Variants in NDUFS1 observed in about 807,000 individuals in gnomAD.
The protein encoded by NDUFS1 is NADH:ubiquinone oxidoreductase core subunit S1.
A neutral mutation model predicts 84.4 loss-of-function variants in NDUFS1; 61 were observed. The ratio of observed to expected loss-of-function variants is 0.72; its 90% CI spans 0.59 to 0.89. The LOEUF is 0.89. Among genes scored for constraint, NDUFS1 ranks in the 40% least tolerant of loss-of-function variants. The probability of loss-of-function intolerance (pLI) is 0.00; values close to 1 mark genes in which losing one functional copy is unlikely to be tolerated. For synonymous variants in NDUFS1, 275 were observed against 290.0 expected (o/e 0.95, Z 0.53); for missense variants, 891 against 890.0 (o/e 1.00, Z -0.01).
In NDUFS1 at chr2:206,119,072, G is replaced by A. The variant is rs1014438707; in HGVS notation, c.*5113C>T. 6.6e-6 allele frequency: 1 copy of A among 152,212 alleles called. No homozygotes were observed. The highest frequency in any genetic ancestry group is 1.5e-5 in the Non-Finnish European group (1 of 68,074). The allele number at this position is 152,212 out of a possible 1,614,324, so 9.4% of individuals were successfully genotyped here. On this transcript the variant is annotated 3_prime_UTR_variant, in exon 19 of 19. Transcript: ENST00000233190. ...CACTGCACTCCAGACTGGCAATACA[G>A]TGAGACTCAATCTAAGATAAAACAA...
In NDUFS1 at chr2:206,149,979, C is replaced by T. The variant is rs189785817; in HGVS notation, c.154-54G>A. ...AAAAAGCATTAGAATAACCTGACTT[C>T]ACTGCTGTTATTGCTGAAACACACA... On this transcript the variant is annotated intron_variant, in intron 3 of 18. Coordinates refer to ENST00000233190, the MANE Select transcript of NDUFS1 (RefSeq NM_005006.7). 7.9e-5 allele frequency: 98 copies of T among 1,234,170 alleles called. No homozygotes were observed. The African/African-American group carries it at 1.3e-3, about 17-fold the overall frequency. The allele number at this position is 1,234,170 out of a possible 1,614,324, so 76.5% of individuals were successfully genotyped here.
rs1690932461 is a variant in NDUFS1 at position 206,115,940 on chromosome 2, A to G, written c.*8245T>C. On this transcript the variant is annotated 3_prime_UTR_variant, in exon 19 of 19. Transcript: ENST00000233190. ...AAGACACATATTATGTTTATCTACAATCATTAGAAAGTTAAAAGGCATCTT... is the reference window on the plus strand; with the variant it reads ...AAGACACATATTATGTTTATCTACAGTCATTAGAAAGTTAAAAGGCATCTT... 2 of 659,860 alleles carry G rather than the reference A, an allele frequency of 3.0e-6. No homozygotes were observed. The highest frequency in any genetic ancestry group is 2.4e-5 in the Admixed American group (1 of 41,880). The allele number at this position is 659,860 out of a possible 1,614,324, so 40.9% of individuals were successfully genotyped here.
intron 1 of NDUFS1, among the ~76,000 whole-genome samples, chr2:206,158,671 A>G (rs563498051): frequency 6.6e-6 from 1 of 152,356 alleles, no homozygotes; most frequent in African/African-American, 2.4e-5. Flanking sequence ...TTAACGTTAC[A>G]CTTCTATACC....
In NDUFS1 at chr2:206,130,356, ATT is replaced by A. The variant is rs537369972; in HGVS notation, c.1554-116_1554-115del. The A allele has an allele frequency of 2.1e-3, 2,784 of 1,350,194 alleles. 3 individuals carry two copies. The highest frequency in any genetic ancestry group is 1.7e-3 in the Non-Finnish European group (1,688 of 982,214). 83.6% of individuals were successfully genotyped at this position (1,350,194 alleles called of 1,614,324 possible). On this transcript the variant is annotated intron_variant, in intron 14 of 18. Coordinates refer to ENST00000233190, the MANE Select transcript of NDUFS1 (RefSeq NM_005006.7). Reference sequence around the variant, plus strand: ...AATGTCAAAAAACCCATTTTATTTTATTTTATTTTTTTCTCGGCGATAGAGTC... The same window carrying A: ...AATGTCAAAAAACCCATTTTATTTTATTATTTTTTTCTCGGCGATAGAGTC...
At chr2:206,155,375 A>G (rs1190650794) in intron 1 of NDUFS1, among the ~76,000 whole-genome samples, 2 of 151,918 alleles carry the variant, frequency 1.3e-5, no homozygotes, top group Non-Finnish European at 2.9e-5. Context: ...TCAGCCTCCC[A>G]AAGTGCTGGG....
intron 14 of NDUFS1, among the ~76,000 whole-genome samples, chr2:206,132,455 C>A (rs893160068): frequency 1.3e-5 from 2 of 152,060 alleles, no homozygotes; most frequent in African/African-American, 4.8e-5. Context: ...GTGGCATGCG[C>A]CTGTAGCTTC....
At chr2:206,138,279 C>T (rs1356851161) in intron 13 of NDUFS1, among the ~76,000 whole-genome samples, 1 of 152,188 alleles carries the variant, frequency 6.6e-6, no homozygotes, top group East Asian at 1.9e-4. Flanking sequence ...CAGGGTTTCA[C>T]CGTGTTGCCC....
In NDUFS1 at chr2:206,159,377, T is replaced by G; in HGVS notation, c.-41A>C. On this transcript the variant is annotated 5_prime_UTR_variant, in exon 1 of 19. Transcript: ENST00000233190. ...AGCCGCGGAGGCTGTTCTGCTAAACTGTCTGGACCACGACGACCCCCTAGG... is the reference window on the plus strand; with the variant it reads ...AGCCGCGGAGGCTGTTCTGCTAAACGGTCTGGACCACGACGACCCCCTAGG... The G allele has an allele frequency of 1.7e-6, 1 of 572,624 alleles. No individual in the cohort carries two copies. The highest frequency in any genetic ancestry group is 3.1e-6 in the Non-Finnish European group (1 of 320,952). 35.5% of individuals were successfully genotyped at this position (572,624 alleles called of 1,614,324 possible). A position where few individuals can be genotyped will look rare whatever the true frequency, so the allele number is the denominator to read the frequency against.
chr2:206,118,178 A>T lies in NDUFS1; in HGVS notation c.*6007T>A, dbSNP rs533633932. On this transcript the variant is annotated 3_prime_UTR_variant, in exon 19 of 19. Coordinates refer to ENST00000233190, the MANE Select transcript of NDUFS1 (RefSeq NM_005006.7). ...AAAACACAAAAAACACTTTAAGCAGAGGGTATTTGGTTTTGAGATCCTTGT... is the reference window on the plus strand; with the variant it reads ...AAAACACAAAAAACACTTTAAGCAGTGGGTATTTGGTTTTGAGATCCTTGT... The T allele has an allele frequency of 3.9e-5, 6 of 152,364 alleles. No individual in the cohort carries two copies. Among genetic ancestry groups the T allele is most frequent in the African/African-American group, 1.4e-4 (6 of 41,586 alleles). The allele number at this position is 152,364 out of a possible 1,614,324, so 9.4% of individuals were successfully genotyped here. A position where few individuals can be genotyped will look rare whatever the true frequency, so the allele number is the denominator to read the frequency against.
At chr2:206,126,408 T>C (rs1455091480) in intron 18 of NDUFS1, 131 bp downstream of exon 18, 6 of 883,574 alleles carry the variant, frequency 6.8e-6, no homozygotes, top group African/African-American at 1.7e-5. Flanking sequence ...TTAGTTCCAA[T>C]GTTTGAAAAC....
chr2:206,158,629 A>G (rs1687773332), intron 1 of NDUFS1, among the ~76,000 whole-genome samples: 1 of 152,312 alleles, frequency 6.6e-6, no homozygotes, highest in African/African-American at 2.4e-5. Context: ...ATTCCGCAAA[A>G]CAAAAATAAC....
At chr2:206,156,176 T>C (rs1237392842) in intron 1 of NDUFS1, among the ~76,000 whole-genome samples, 3 of 144,196 alleles carry the variant, frequency 2.1e-5, no homozygotes. Context: ...GGCAGGAGAA[T>C]GGCGTGAACC....
chr2:206,144,946 ATCC>A lies in NDUFS1; in HGVS notation c.815_817del (p.Arg272del). 1 of 1,614,052 alleles carries A rather than the reference ATCC, an allele frequency of 6.2e-7. No homozygotes were observed. Among genetic ancestry groups the A allele is most frequent in the Non-Finnish European group, 8.5e-7 (1 of 1,179,974 alleles). ...GATGTCCTCATGCATACGTGGCAAA[ATCC>A]TCATCACTTCTCCAGTTCTTGTGCT... On this transcript the variant is annotated inframe_deletion, in exon 9 of 19. Transcript: ENST00000233190.
At position 206,152,459 on chromosome 2, in the gene NDUFS1, C is replaced by T. The variant is rs1254091964; in HGVS notation, c.113G>A (p.Gly38Asp). The change falls in exon 3 of 19, where the codon GGT (glycine) becomes GAT (aspartate). Residue 38 changes from glycine (G) to aspartate (D), a missense_variant. Coordinates refer to ENST00000233190, the MANE Select transcript of NDUFS1 (RefSeq NM_005006.7). The stretch of plus-strand genomic sequence containing the variant: ...TCCCGGTTCCACCATGACAGACTGA[C>T]CATCAACAAATACTTCAATCAAGTT... ...ASNLIEVFVD[G>D]QSVMVEPGTT... 1.2e-6 allele frequency: 2 copies of T among 1,613,986 alleles called. No homozygotes were observed. The highest frequency in any genetic ancestry group is 1.7e-6 in the Non-Finnish European group (2 of 1,180,000).
At chr2:206,140,937 T>TACACACACAC (rs1400001002) in intron 12 of NDUFS1, among the ~76,000 whole-genome samples, 2 of 59,416 alleles carry the variant, frequency 3.4e-5, no homozygotes, top group African/African-American at 2.2e-4. Flanking sequence ...TATATATATA[T>TACACACACAC]ATATATACAC....
chr2:206,148,149 T>G (rs538011804), intron 5 of NDUFS1, among the ~76,000 whole-genome samples: 1 of 152,084 alleles, frequency 6.6e-6, no homozygotes, highest in African/African-American at 2.4e-5. Flanking sequence ...GGTCTCGAAC[T>G]CCTGACCTCA....
chr2:206,141,675 G>C (rs1043862813), intron 12 of NDUFS1, among the ~76,000 whole-genome samples: 20 of 148,352 alleles, frequency 1.3e-4, no homozygotes, highest in African/African-American at 4.7e-4. Context: ...GGCGGATCAC[G>C]AGGTCAGGAA....
Position 206,116,688 on chromosome 2 carries a change from C to T in NDUFS1, c.*7497G>A, listed in dbSNP as rs955676310. The T allele has an allele frequency of 3.5e-5, 13 of 370,584 alleles. No individual in the cohort carries two copies. The highest frequency in any genetic ancestry group is 5.6e-5 in the Non-Finnish European group (11 of 197,526). The allele number at this position is 370,584 out of a possible 1,614,324, so 23.0% of individuals were successfully genotyped here. ...AGCGCCTGGGCCCAGGGGTTCAAGACGAGCCTGGGCAACATAGTGAGACCT... is the reference window on the plus strand; with the variant it reads ...AGCGCCTGGGCCCAGGGGTTCAAGATGAGCCTGGGCAACATAGTGAGACCT... On this transcript the variant is annotated 3_prime_UTR_variant, in exon 19 of 19. Coordinates refer to ENST00000233190, the MANE Select transcript of NDUFS1 (RefSeq NM_005006.7).
intron 1 of NDUFS1, among the ~76,000 whole-genome samples, chr2:206,154,496 G>A (rs1377978390): frequency 6.6e-6 from 1 of 152,234 alleles, no homozygotes; most frequent in Non-Finnish European, 1.5e-5. Flanking sequence ...AGTGTCAACA[G>A]TGCTGAAGTT....
Sources: gnomAD v4.1 joint callset for allele counts (sites outside exome capture counted in the v4.1 genomes callset) on GRCh38, gnomAD v4.1.1 for gene constraint, MANE v1.5 for transcripts, NCBI Gene and HGNC (gene_info 2026-07-23, HGNC 2026-07-21) for gene names.